Variants in SEL1L2 observed in about 807,000 individuals in gnomAD.
SEL1L2 encodes the protein SEL1L2 adaptor subunit of SYVN1 ubiquitin ligase.
Under a neutral mutation model 98.8 loss-of-function variants are expected in SEL1L2, and 89 were observed. The observed-to-expected ratio is 0.90, with a 90% confidence interval of 0.76 to 1.07. The LOEUF (loss-of-function observed/expected upper bound fraction) is 1.07, where lower values mean the gene tolerates loss of function less well. Ranked by LOEUF, SEL1L2 falls within the 50% of genes least tolerant of loss-of-function variation. SEL1L2 has a pLI of 0.00. For missense variants in SEL1L2, 788 were observed against 812.0 expected (o/e 0.97, Z 0.36); for synonymous variants, 262 against 278.5 (o/e 0.94, Z 0.59).
intron 5 of SEL1L2, among the ~76,000 whole-genome samples, chr20:13,891,566 C>T (rs1390181762): frequency 1.3e-5 from 2 of 148,578 alleles, no homozygotes; most frequent in Non-Finnish European, 3.0e-5. Flanking sequence ...ACTTGGGAGG[C>T]TGAGGCAGGA....
chr20:13,966,298 C>T (rs1176766522), intron 1 of SEL1L2, among the ~76,000 whole-genome samples: 1 of 151,956 alleles, frequency 6.6e-6, no homozygotes, highest in Non-Finnish European at 1.5e-5. Flanking sequence ...CTTGCCTCTT[C>T]TTCTTCTTCT....
At chr20:13,966,660 T>C (rs887601364) in intron 1 of SEL1L2, among the ~76,000 whole-genome samples, 3 of 152,072 alleles carry the variant, frequency 2.0e-5, no homozygotes, top group Non-Finnish European at 4.4e-5. Context: ...TATTTTCTTA[T>C]TTAACCATGT....
chr20:13,967,911 C>A (rs1460502995), intron 1 of SEL1L2, among the ~76,000 whole-genome samples: 1 of 152,150 alleles, frequency 6.6e-6, no homozygotes, highest in Non-Finnish European at 1.5e-5. Context: ...GATTTACAAT[C>A]ATTATTTCTA....
At chr20:13,988,170 C>G (rs929373263) in intron 1 of SEL1L2, among the ~76,000 whole-genome samples, 1 of 151,988 alleles carries the variant, frequency 6.6e-6, no homozygotes, top group Admixed American at 6.6e-5. Flanking sequence ...GGTGGGGGTA[C>G]AAATTCATTC....
chr20:13,889,628 A>G (rs1600631317), intron 5 of SEL1L2, among the ~76,000 whole-genome samples: 1 of 152,140 alleles, frequency 6.6e-6, no homozygotes, highest in East Asian at 1.9e-4. Flanking sequence ...TGTCTCTACT[A>G]AAAATACAAA....
At position 13,866,673 on chromosome 20, in the gene SEL1L2, CTT is replaced by C. The variant is rs780439661; in HGVS notation, c.1404+27_1404+28del. ...TCCTCTGTGTCATATATGACAAGTG[CTT>C]TAAAAACAGCCGCATATTATATTTA... On this transcript the variant is annotated intron_variant, in intron 15 of 19. Coordinates refer to ENST00000284951, the MANE Select transcript of SEL1L2 (RefSeq NM_025229.2). The C allele has an allele frequency of 2.1e-5, 31 of 1,494,516 alleles. No homozygotes were observed. In the Admixed American group the frequency reaches 7.0e-4, roughly 34 times the overall value. The allele number at this position is 1,494,516 out of a possible 1,614,324, so 92.6% of individuals were successfully genotyped here. A position where few individuals can be genotyped will look rare whatever the true frequency, so the allele number is the denominator to read the frequency against.
intron 17 of SEL1L2, among the ~76,000 whole-genome samples, chr20:13,860,744 G>A (rs549629350): frequency 7.3e-5 from 11 of 151,358 alleles, no homozygotes; most frequent in African/African-American, 2.7e-4. Context: ...ACCTTGTTTC[G>A]TTCCATTGCC....
intron 4 of SEL1L2, among the ~76,000 whole-genome samples, chr20:13,915,417 G>A (rs1455158297): frequency 6.6e-6 from 1 of 152,178 alleles, no homozygotes; most frequent in Non-Finnish European, 1.5e-5. Context: ...CTGGCACCCA[G>A]AGAGAGGCAA....
rs1303429542 is a variant in SEL1L2, at chr20:13,876,051, A to C, written c.1091T>G (p.Met364Arg). ...NNATAFKYFS[M>R]AASKGNAIGL... ...TTGAGGACATACCTTACTGGCTGCC[A>C]TGGAAAAGTACTTGAAGGCAGTAGC... Residue 364 changes from methionine (M) to arginine (R), a missense_variant, in exon 12 of 20, where the codon ATG (methionine) becomes AGG (arginine). Met to Arg is a moderately conservative substitution (Grantham distance 91, BLOSUM62 -1). Coordinates refer to ENST00000284951, the MANE Select transcript of SEL1L2 (RefSeq NM_025229.2). 6.2e-7 allele frequency: 1 copy of C among 1,613,618 alleles called. No homozygotes were observed. The highest frequency in any genetic ancestry group is 8.5e-7 in the Non-Finnish European group (1 of 1,179,566).
chr20:13,880,707 A>C (rs2046657153), intron 10 of SEL1L2, among the ~76,000 whole-genome samples: 1 of 152,116 alleles, frequency 6.6e-6, no homozygotes, highest in African/African-American at 2.4e-5. Context: ...TAAGATGTAC[A>C]TCTCCTCCCA....
chr20:13,870,433 A>G (rs1424961826), intron 12 of SEL1L2, among the ~76,000 whole-genome samples: 1 of 152,202 alleles, frequency 6.6e-6, no homozygotes, highest in Admixed American at 6.5e-5. Context: ...CTTGTATTCA[A>G]CACTTATTTA....
At chr20:13,979,309 C>T (rs754909926) in intron 1 of SEL1L2, among the ~76,000 whole-genome samples, 4 of 152,034 alleles carry the variant, frequency 2.6e-5, no homozygotes, top group Non-Finnish European at 5.9e-5. Context: ...AAAAATACAG[C>T]TAGATAAGAG....
intron 10 of SEL1L2, among the ~76,000 whole-genome samples, chr20:13,881,600 G>T (rs571074659): frequency 1.3e-5 from 2 of 152,184 alleles, no homozygotes; most frequent in Admixed American, 1.3e-4. Context: ...ATCAAGAATT[G>T]CATATACAAT....
intron 1 of SEL1L2, among the ~76,000 whole-genome samples, chr20:13,983,703 T>C (rs951083832): frequency 2.0e-5 from 3 of 151,970 alleles, no homozygotes; most frequent in Non-Finnish European, 4.4e-5. Context: ...GTATTTTTAG[T>C]AGAGACGGGG....
At chr20:13,960,722 C>T (rs1758664068) in intron 1 of SEL1L2, among the ~76,000 whole-genome samples, 1 of 152,170 alleles carries the variant, frequency 6.6e-6, no homozygotes, top group Non-Finnish European at 1.5e-5. Context: ...TGTTTTATCA[C>T]TTCCCCTACA....
Position 13,859,405 on chromosome 20 carries a change from C to A in SEL1L2, c.1675G>T (p.Asp559Tyr). 1 of 1,613,958 alleles carries A rather than the reference C, an allele frequency of 6.2e-7. No homozygotes were observed. Among genetic ancestry groups the A allele is most frequent in the Non-Finnish European group, 8.5e-7 (1 of 1,179,898 alleles). ...GNAFARVKIGDYHYYGYGTKK... is the reference protein window; with the variant it reads ...GNAFARVKIGYYHYYGYGTKK... ...GTCCCATAGCCATAGTAATGGTAAT[C>A]TCCAATTTTTACTCTAGCAAATGCA... The change falls in exon 18 of 20, where the codon GAT becomes TAT. Residue 559 changes from aspartate (D) to tyrosine (Y), a missense_variant. Coordinates refer to ENST00000284951, the MANE Select transcript of SEL1L2 (RefSeq NM_025229.2).
At position 13,979,919 on chromosome 20, in the gene SEL1L2, C is replaced by T. The variant is rs548325757; in HGVS notation, c.58+10558G>A. Among the ~76,000 whole-genome samples the T allele has an allele frequency of 2.7e-4, 41 of 152,166 alleles. 1 individual carries two copies. In the South Asian group the frequency reaches 8.3e-3, roughly 31 times the overall value. On this transcript the variant is annotated intron_variant, in intron 1 of 19. Coordinates refer to ENST00000284951, the MANE Select transcript of SEL1L2 (RefSeq NM_025229.2). ...GAAAACAATTAATAAATTGAACAGA[C>T]AACCCATGAATTGGGAGAAAATATT...
rs1191791707 is a variant in SEL1L2, at chr20:13,876,043, T to C, written c.1099A>G (p.Ser367Gly). 6 of 1,613,110 alleles carry C rather than the reference T, an allele frequency of 3.7e-6. No homozygotes were observed. The highest frequency in any genetic ancestry group is 5.1e-6 in the Non-Finnish European group (6 of 1,179,006). ...TAFKYFSMAASKGNAIGLHGL... is the reference protein window; with the variant it reads ...TAFKYFSMAAGKGNAIGLHGL... ...ACAGTGCATTGAGGACATACCTTAC[T>C]GGCTGCCATGGAAAAGTACTTGAAG... Residue 367 changes from serine (S) to glycine (G), a missense_variant, in exon 12 of 20, where the codon AGT (serine) becomes GGT (glycine). Ser to Gly is a moderately conservative substitution (Grantham distance 56). Coordinates refer to ENST00000284951, the MANE Select transcript of SEL1L2 (RefSeq NM_025229.2).
intron 10 of SEL1L2, among the ~76,000 whole-genome samples, chr20:13,882,364 T>C (rs1028774637): frequency 5.3e-5 from 8 of 152,180 alleles, no homozygotes; most frequent in African/African-American, 1.9e-4. Flanking sequence ...GAAGCCCATT[T>C]CCCTACCCCT....
Sources: allele counts gnomAD v4.1 joint callset (sites outside exome capture counted in the v4.1 genomes callset), GRCh38; gene constraint gnomAD v4.1.1; transcripts MANE v1.5; gene names NCBI Gene and HGNC (gene_info 2026-07-23, HGNC 2026-07-21).